TMEM131L: variants seen among roughly 807,000 people sequenced by gnomAD.
TMEM131L encodes transmembrane protein 131-like.
In TMEM131L, 54 loss-of-function variants were observed where a neutral mutation model predicts 192.2. The ratio of observed to expected loss-of-function variants is 0.28; its 90% CI spans 0.23 to 0.35. The LOEUF is 0.35. TMEM131L is among the 10% of genes least tolerant of loss of function. TMEM131L has a pLI of 1.00. For synonymous variants in TMEM131L, 701 were observed against 704.9 expected (o/e 0.99, Z 0.09); for missense variants, 1,888 against 1,972.9 (o/e 0.96, Z 0.82).
chr4:153,622,940 T>A lies in TMEM131L; in HGVS notation c.3902T>A (p.Phe1301Tyr), dbSNP rs756360278. 1 of 1,614,224 alleles carries A rather than the reference T, an allele frequency of 6.2e-7. No individual in the cohort carries two copies. Among genetic ancestry groups the A allele is most frequent in the East Asian group, 2.2e-5 (1 of 44,884 alleles). ...CCTGAGAAGAAATGTGTGGACAAGT[T>A]CTGCTCCGATTCCAGCTCTGACTGT... ...QKPEKKCVDK[F>Y]CSDSSSDCGS... Residue 1301 changes from phenylalanine (F) to tyrosine (Y), a missense_variant, in exon 29 of 35, where the codon TTC (phenylalanine) becomes TAC (tyrosine). Coordinates refer to ENST00000409959, the MANE Select transcript of TMEM131L (RefSeq NM_001131007.2).
intron 25 of TMEM131L, among the ~76,000 whole-genome samples, chr4:153,606,753 T>G (rs1271463745): frequency 2.6e-5 from 4 of 152,212 alleles, no homozygotes; most frequent in Admixed American, 6.5e-5. Context: ...AAAAATACTG[T>G]TTGGCTGGAT....
intron 3 of TMEM131L, among the ~76,000 whole-genome samples, chr4:153,513,128 G>A (rs991885524): frequency 3.3e-5 from 5 of 152,104 alleles, no homozygotes; most frequent in Non-Finnish European, 7.4e-5. Flanking sequence ...AGGGGGTCAG[G>A]GTATTCTGTG....
intron 7 of TMEM131L, among the ~76,000 whole-genome samples, chr4:153,569,131 G>C (rs1418549060): frequency 6.6e-6 from 1 of 152,210 alleles, no homozygotes; most frequent in Non-Finnish European, 1.5e-5. Flanking sequence ...AGAGAGGAAG[G>C]CTTGGGATAA....
chr4:153,499,838 G>T (rs7685597), intron 3 of TMEM131L, among the ~76,000 whole-genome samples: 7,091 of 152,220 alleles, frequency 0.047, 229 homozygotes, highest in Admixed American at 0.076. Flanking sequence ...TCATTGTAAA[G>T]ATGTTCTCTG....
intron 3 of TMEM131L, among the ~76,000 whole-genome samples, chr4:153,517,868 C>T (rs1734843524): frequency 6.6e-6 from 1 of 152,184 alleles, no homozygotes; most frequent in South Asian, 2.1e-4. Flanking sequence ...AGCCTCTCTC[C>T]TAACTCTTTG....
chr4:153,495,637 C>A (rs982304352), intron 3 of TMEM131L, among the ~76,000 whole-genome samples: 22 of 152,014 alleles, frequency 1.4e-4, no homozygotes, highest in Non-Finnish European at 2.5e-4. Context: ...GCATTTTTTT[C>A]AGGTGAGCAG....
At chr4:153,475,471 G>A (rs1289976933) in intron 3 of TMEM131L, among the ~76,000 whole-genome samples, 1 of 152,196 alleles carries the variant, frequency 6.6e-6, no homozygotes, top group South Asian at 2.1e-4. Context: ...TCTCATTCTA[G>A]TAGTGGGTAA....
At chr4:153,490,953 CAAAAA>C (rs3040164) in intron 3 of TMEM131L, among the ~76,000 whole-genome samples, 2 of 82,070 alleles carry the variant, frequency 2.4e-5, no homozygotes, top group Non-Finnish European at 2.4e-5. Flanking sequence ...GACTCTGTCT[CAAAAA>C]AAAAAAAAAA....
intron 6 of TMEM131L, 149 bp downstream of exon 6, chr4:153,557,231 C>T (rs1204315247): frequency 8.2e-6 from 5 of 608,478 alleles, no homozygotes; most frequent in Non-Finnish European, 1.5e-5. Context: ...AAATCATCAG[C>T]ATTCACCCTT....
intron 3 of TMEM131L, among the ~76,000 whole-genome samples, chr4:153,484,720 G>A (rs917280222): frequency 1.4e-5 from 2 of 146,036 alleles, no homozygotes; most frequent in African/African-American, 5.0e-5. Context: ...CGCCCGCCTC[G>A]GCCTCCCAAA....
intron 12 of TMEM131L, 93 bp from the exon 13 acceptor site, chr4:153,585,365 A>G (rs1004720691): frequency 5.7e-6 from 7 of 1,234,558 alleles, no homozygotes; most frequent in Non-Finnish European, 8.2e-6. Context: ...GTAACGTTTT[A>G]TGATGCTCCT....
At chr4:153,577,840 A>G (rs1266705224) in intron 7 of TMEM131L, among the ~76,000 whole-genome samples, 3 of 152,354 alleles carry the variant, frequency 2.0e-5, no homozygotes, top group Admixed American at 2.0e-4. Flanking sequence ...GATGAGGCAC[A>G]CAGCAAAGGT....
chr4:153,593,980 T>G (rs1731252689), intron 19 of TMEM131L, 109 bp downstream of exon 19: 2 of 725,576 alleles, frequency 2.8e-6, no homozygotes, highest in African/African-American at 3.5e-5. Context: ...TATATATGGC[T>G]CTTTTATTTT....
At chr4:153,490,932 C>T (rs1358013347) in intron 3 of TMEM131L, among the ~76,000 whole-genome samples, 8 of 123,326 alleles carry the variant, frequency 6.5e-5, no homozygotes, top group African/African-American at 1.3e-4. Context: ...CCAGCCTGGG[C>T]GATAGAGTGA....
chr4:153,539,838 C>A (rs1736634945), intron 3 of TMEM131L, among the ~76,000 whole-genome samples: 1 of 151,466 alleles, frequency 6.6e-6, no homozygotes, highest in African/African-American at 2.4e-5. Flanking sequence ...GGGCCGGGCA[C>A]GGTGGCTTAC....
At chr4:153,618,885 T>C (rs549466432) in intron 26 of TMEM131L, among the ~76,000 whole-genome samples, 3 of 152,296 alleles carry the variant, frequency 2.0e-5, no homozygotes, top group Non-Finnish European at 2.9e-5. Context: ...ACCTGCTGTC[T>C]CCATTGCAGG....
chr4:153,604,503 C>A, intron 25 of TMEM131L, 73 bp downstream of exon 25: 1 of 1,392,678 alleles, frequency 7.2e-7, no homozygotes, highest in Non-Finnish European at 9.8e-7. Flanking sequence ...TTGTTCTCAC[C>A]TGTGACCGTT....
At chr4:153,512,330 G>T (rs1734411152) in intron 3 of TMEM131L, among the ~76,000 whole-genome samples, 1 of 152,136 alleles carries the variant, frequency 6.6e-6, no homozygotes, top group African/African-American at 2.4e-5. Flanking sequence ...TCTTTCTGGG[G>T]TTATGCAAAC....
At chr4:153,575,763 A>G (rs915735788) in intron 7 of TMEM131L, among the ~76,000 whole-genome samples, 13 of 152,172 alleles carry the variant, frequency 8.5e-5, no homozygotes, top group Non-Finnish European at 1.6e-4. Context: ...GGAGGTTTCA[A>G]AACTAGAGAA....
Sources: allele counts gnomAD v4.1 joint callset (sites outside exome capture counted in the v4.1 genomes callset), GRCh38; gene constraint gnomAD v4.1.1; transcripts MANE v1.5; gene names NCBI Gene and HGNC (gene_info 2026-07-23, HGNC 2026-07-21).